The following THSD7B variants were observed in gnomAD, a reference collection of about 807,000 sequenced individuals.
THSD7B encodes the protein thrombospondin type-1 domain-containing protein 7B.
Under a neutral mutation model 213.6 loss-of-function variants are expected in THSD7B, and 138 were observed. That is an observed-to-expected ratio of 0.65 (90% CI 0.56 to 0.74). The LOEUF (loss-of-function observed/expected upper bound fraction) is 0.74. Among genes scored for constraint, THSD7B ranks in the 30% least tolerant of loss-of-function variants. The pLI, the probability that THSD7B is intolerant of heterozygous loss-of-function variation, is 0.00. For synonymous variants in THSD7B, 742 were observed against 687.0 expected (o/e 1.08, Z -1.25); for missense variants, 1,931 against 1,991.5 (o/e 0.97, Z 0.58).
At chr2:137,185,463 T>C (rs1010673370) in intron 7 of THSD7B, among the ~76,000 whole-genome samples, 3 of 152,170 alleles carry the variant, frequency 2.0e-5, no homozygotes, top group Non-Finnish European at 4.4e-5. Flanking sequence ...ACTCATGTTT[T>C]AACTCCCACT....
At chr2:136,928,820 A>G (rs1684584342) in intron 2 of THSD7B, among the ~76,000 whole-genome samples, 1 of 152,200 alleles carries the variant, frequency 6.6e-6, no homozygotes, top group African/African-American at 2.4e-5. Context: ...GGTTGATAGA[A>G]GAGTCACAAA....
intron 15 of THSD7B, among the ~76,000 whole-genome samples, chr2:137,546,380 T>C (rs1408561222): frequency 5.9e-5 from 2 of 33,744 alleles, no homozygotes; most frequent in Non-Finnish European, 9.4e-5. Context: ...ATATATAATA[T>C]ATATATTATA....
chr2:137,441,120 G>T (rs1687400336), intron 14 of THSD7B, among the ~76,000 whole-genome samples: 1 of 152,070 alleles, frequency 6.6e-6, no homozygotes, highest in Non-Finnish European at 1.5e-5. Flanking sequence ...TCATTATATT[G>T]TTCTCTAACA....
chr2:137,587,146 C>T (rs958220303), intron 17 of THSD7B, among the ~76,000 whole-genome samples: 5 of 152,190 alleles, frequency 3.3e-5, no homozygotes, highest in Non-Finnish European at 5.9e-5. Context: ...GAAGCTTGTG[C>T]ATTTGTCACG....
chr2:137,396,142 G>T (rs1465222942), intron 12 of THSD7B, among the ~76,000 whole-genome samples: 2 of 145,596 alleles, frequency 1.4e-5, no homozygotes, highest in South Asian at 2.3e-4. Context: ...TTTTTGAAGG[G>T]TTTTTTGTGT....
At chr2:137,312,184 T>G (rs1683931750) in intron 12 of THSD7B, among the ~76,000 whole-genome samples, 1 of 152,178 alleles carries the variant, frequency 6.6e-6, no homozygotes, top group Non-Finnish European at 1.5e-5. Flanking sequence ...CAATTTCAGC[T>G]CCTGTTATTG....
chr2:137,327,874 G>A (rs2104888360), intron 12 of THSD7B, among the ~76,000 whole-genome samples: 1 of 152,276 alleles, frequency 6.6e-6, no homozygotes, highest in Middle Eastern at 3.4e-3. Flanking sequence ...GGAGTTTCTA[G>A]ATTATTCTTT....
intron 4 of THSD7B, among the ~76,000 whole-genome samples, chr2:137,095,708 A>AT (rs138796764): frequency 1.9e-4 from 29 of 151,918 alleles, no homozygotes; most frequent in South Asian, 2.1e-4. Context: ...TTTTAACAGC[A>AT]TTTTTTTTGA....
rs78986843 is a variant in THSD7B at position 137,674,564 on chromosome 2, G to A, written c.4740-1960G>A. 7.7e-3 allele frequency among the ~76,000 whole-genome samples: 1,180 copies of A among 152,282 alleles called. 18 individuals are homozygous for A. Among genetic ancestry groups the A allele is most frequent in the African/African-American group, 0.027 (1,113 of 41,538 alleles). ...TTCATGCCAGAGCCTGAGCCCATCA[G>A]TATAATTAGAGTCACTGGAACATAC... On this transcript the variant is annotated intron_variant, in intron 27 of 27. Transcript: ENST00000409968.
chr2:137,556,629 A>C (rs1486724606), intron 15 of THSD7B, among the ~76,000 whole-genome samples: 1 of 152,226 alleles, frequency 6.6e-6, no homozygotes, highest in Non-Finnish European at 1.5e-5. Context: ...AAGAAACTGC[A>C]TCAACTAATG....
chr2:137,213,255 C>T (rs969363871), intron 7 of THSD7B, among the ~76,000 whole-genome samples: 5 of 150,712 alleles, frequency 3.3e-5, no homozygotes, highest in African/African-American at 1.2e-4. Flanking sequence ...AGGTATCTGA[C>T]ACATATTCTA....
Position 137,058,027 on chromosome 2 carries a change from A to G in THSD7B, c.950+797A>G, listed in dbSNP as rs1430161946. On this transcript the variant is annotated intron_variant, in intron 3 of 27. Transcript: ENST00000409968. Reference sequence around the variant, plus strand: ...CTTCCAAATTAAGATGCCTTTCAATAGTACTTAAATTACCAAACAACATAA... The same window carrying G: ...CTTCCAAATTAAGATGCCTTTCAATGGTACTTAAATTACCAAACAACATAA... Among the ~76,000 whole-genome samples the G allele has an allele frequency of 2.0e-5, 3 of 152,348 alleles. No homozygotes were observed. In the East Asian group the frequency reaches 5.8e-4, roughly 29 times the overall value.
intron 4 of THSD7B, among the ~76,000 whole-genome samples, chr2:137,113,663 C>T (rs1200350800): frequency 6.6e-6 from 1 of 152,074 alleles, no homozygotes; most frequent in Non-Finnish European, 1.5e-5. Context: ...TCTCGAACTC[C>T]TGACCTCAGG....
chr2:137,188,113 T>C (rs1363727983), intron 7 of THSD7B, among the ~76,000 whole-genome samples: 11 of 152,164 alleles, frequency 7.2e-5, no homozygotes, highest in Admixed American at 7.2e-4. Context: ...AATGCTGGAT[T>C]TACCCAATGA....
intron 2 of THSD7B, among the ~76,000 whole-genome samples, chr2:136,953,943 C>A (rs1057203478): frequency 2.6e-5 from 4 of 152,122 alleles, no homozygotes; most frequent in African/African-American, 7.2e-5. Context: ...AGAAATACAG[C>A]CTAACCCAGT....
chr2:137,111,599 C>T (rs1337486815), intron 4 of THSD7B, among the ~76,000 whole-genome samples: 2 of 152,100 alleles, frequency 1.3e-5, no homozygotes, highest in Non-Finnish European at 2.9e-5. Context: ...TGAAGTAATG[C>T]CCCTAAGTTC....
chr2:136,918,355 C>T (rs1301334185), intron 2 of THSD7B, among the ~76,000 whole-genome samples: 1 of 152,176 alleles, frequency 6.6e-6, no homozygotes, highest in African/African-American at 2.4e-5. Flanking sequence ...CTCCTGGTTT[C>T]AGTGAGCTGG....
In THSD7B at chr2:137,233,145, G is replaced by T. The variant is rs781171438; in HGVS notation, c.2150+12G>T. 12 of 1,601,748 alleles carry T rather than the reference G, an allele frequency of 7.5e-6. No homozygotes were observed. The highest frequency in any genetic ancestry group is 1.0e-5 in the Non-Finnish European group (12 of 1,172,158). On this transcript the variant is annotated intron_variant, in intron 9 of 27. Coordinates refer to ENST00000409968, the MANE Select transcript of THSD7B (RefSeq NM_001316349.2). The stretch of plus-strand genomic sequence containing the variant: ...GTAATGACCAAAAGGTATTTATTAG[G>T]CTGTTACTGAAAATGCATTTGCTTA...
intron 12 of THSD7B, among the ~76,000 whole-genome samples, chr2:137,347,290 A>G (rs1684895659): frequency 6.6e-6 from 1 of 151,758 alleles, no homozygotes; most frequent in Non-Finnish European, 1.5e-5. Context: ...CTGTTATGCT[A>G]CCATGTGGTT....
Sources: allele counts gnomAD v4.1 joint callset (sites outside exome capture counted in the v4.1 genomes callset), GRCh38; gene constraint gnomAD v4.1.1; transcripts MANE v1.5; gene names NCBI Gene and HGNC (gene_info 2026-07-23, HGNC 2026-07-21).